Variants in EDIL3 observed in about 807,000 individuals in gnomAD.
EDIL3 encodes EGF-like repeat and discoidin I-like domain-containing protein 3.
A neutral mutation model predicts 67.4 loss-of-function variants in EDIL3; 37 were observed. The observed-to-expected ratio is 0.55, with a 90% CI of 0.42 to 0.72. EDIL3 has a LOEUF of 0.72. Ranked by LOEUF, EDIL3 falls within the 30% of genes least tolerant of loss-of-function variation. The probability of loss-of-function intolerance (pLI) is 0.00; values close to 1 mark genes in which losing one functional copy is unlikely to be tolerated. For missense variants in EDIL3, 527 were observed against 586.3 expected, an observed-to-expected ratio of 0.90 and a Z score of 1.04; for synonymous variants, 195 against 196.3, an observed-to-expected ratio of 0.99 and a Z score of 0.05.
intron 1 of EDIL3, among the ~76,000 whole-genome samples, chr5:84,292,872 G>A (rs1246048657): frequency 1.3e-5 from 2 of 152,144 alleles, no homozygotes; most frequent in Non-Finnish European, 2.9e-5. Context: ...TGGTAGGCAG[G>A]CACATCTGGG....
chr5:84,376,233 C>T (rs948778749), intron 1 of EDIL3, among the ~76,000 whole-genome samples: 3 of 152,048 alleles, frequency 2.0e-5, no homozygotes, highest in African/African-American at 4.8e-5. Flanking sequence ...AGTATGCAGT[C>T]AATACATGTT....
At chr5:84,329,299 A>C (rs1246148267) in intron 1 of EDIL3, among the ~76,000 whole-genome samples, 1 of 152,078 alleles carries the variant, frequency 6.6e-6, no homozygotes, top group African/African-American at 2.4e-5. Flanking sequence ...AGTAAAGTAA[A>C]AGTTTGACAG....
intron 9 of EDIL3, among the ~76,000 whole-genome samples, chr5:83,987,354 A>G (rs992739149): frequency 3.3e-5 from 5 of 152,184 alleles, no homozygotes; most frequent in Non-Finnish European, 7.4e-5. Context: ...ATAACTTTTT[A>G]AAAAGTGGCA....
intron 10 of EDIL3, among the ~76,000 whole-genome samples, chr5:83,952,308 T>G (rs937683332): frequency 6.6e-6 from 1 of 151,828 alleles, no homozygotes; most frequent in Admixed American, 6.6e-5. Context: ...ATTTAACTTC[T>G]TTTATGATGA....
chr5:84,293,085 C>A (rs1745961379), intron 1 of EDIL3, among the ~76,000 whole-genome samples: 1 of 152,164 alleles, frequency 6.6e-6, no homozygotes, highest in Non-Finnish European at 1.5e-5. Context: ...GGGCTGACCC[C>A]TCCGCTACAT....
chr5:84,210,908 A>T (rs1580378998), intron 3 of EDIL3, among the ~76,000 whole-genome samples: 1 of 152,244 alleles, frequency 6.6e-6, no homozygotes, highest in Middle Eastern at 3.4e-3. Flanking sequence ...TTTAGTTACA[A>T]TTTTTTTGGA....
intron 9 of EDIL3, among the ~76,000 whole-genome samples, chr5:84,030,107 A>T (rs941189512): frequency 6.6e-6 from 1 of 152,228 alleles, no homozygotes; most frequent in African/African-American, 2.4e-5. Context: ...GAATGACCTA[A>T]AAGTCCCTTT....
At chr5:84,216,587 C>T (rs374052054) in intron 3 of EDIL3, among the ~76,000 whole-genome samples, 8 of 152,150 alleles carry the variant, frequency 5.3e-5, no homozygotes, top group South Asian at 2.1e-4. Context: ...CACATTTCTT[C>T]ATATACTTTA....
At chr5:84,196,166 TA>T (rs1324512264) in intron 3 of EDIL3, among the ~76,000 whole-genome samples, 1 of 151,938 alleles carries the variant, frequency 6.6e-6, no homozygotes. Context: ...ATATACACAA[TA>T]AATGATTTAT....
chr5:84,218,182 T>C lies in EDIL3; in HGVS notation c.226+11673A>G, dbSNP rs1744270392. ...GCTTAAAAATGTGACTAAATGTGAA[T>C]GGTTATTCTCTAAAGATAAAATTTT... On this transcript the variant is annotated intron_variant, in intron 3 of 10. Transcript: ENST00000296591. Among the ~76,000 whole-genome samples the C allele has an allele frequency of 3.9e-5, 6 of 152,204 alleles. No homozygotes were observed. In the South Asian group the frequency reaches 1.2e-3, roughly 32 times the overall value.
In EDIL3 at chr5:84,180,495, T is replaced by C; in HGVS notation, c.253A>G (p.Asn85Asp). 2 of 1,605,836 alleles carry C rather than the reference T, an allele frequency of 1.2e-6. No individual in the cohort carries two copies. The highest frequency in any genetic ancestry group is 2.2e-5 in the South Asian group (2 of 89,310). Reference sequence around the variant, plus strand: ...TCACTTATTTCACAGGTTCCTCCATTATGGCATGGATTAGGAGTGCAGGGA... The same window carrying C: ...TCACTTATTTCACAGGTTCCTCCATCATGGCATGGATTAGGAGTGCAGGGA... ...AGPCTPNPCH[N>D]GGTCEISEAY... The change falls in exon 4 of 11, where the codon AAT (asparagine) becomes GAT (aspartate). Residue 85 changes from asparagine (N) to aspartate (D), a missense_variant. This residue lies in a region of EDIL3 where 494 missense variants were observed against 522.5 expected (regional missense o/e 0.95). Coordinates refer to ENST00000296591, the MANE Select transcript of EDIL3 (RefSeq NM_005711.5).
At chr5:84,103,335 A>G (rs965258382) in intron 6 of EDIL3, among the ~76,000 whole-genome samples, 6 of 152,184 alleles carry the variant, frequency 3.9e-5, no homozygotes, top group Non-Finnish European at 7.4e-5. Context: ...AAAGAGACGG[A>G]AAACAATTGC....
chr5:84,203,226 G>A (rs1309665412), intron 3 of EDIL3, among the ~76,000 whole-genome samples: 4 of 152,062 alleles, frequency 2.6e-5, no homozygotes, highest in South Asian at 4.2e-4. Flanking sequence ...AAATTACTTC[G>A]TTTTTAATAT....
intron 1 of EDIL3, among the ~76,000 whole-genome samples, chr5:84,324,731 C>A (rs1746720668): frequency 6.6e-6 from 1 of 151,662 alleles, no homozygotes; most frequent in Admixed American, 6.6e-5. Flanking sequence ...GGTGACATTA[C>A]TACAAATTCT....
intron 2 of EDIL3, among the ~76,000 whole-genome samples, chr5:84,253,124 TAA>T (rs1437241468): frequency 6.6e-6 from 1 of 152,174 alleles, no homozygotes; most frequent in African/African-American, 2.4e-5. Flanking sequence ...ATAAGGTAAT[TAA>T]GTTAGGTGCA....
At chr5:84,057,323 C>G (rs1441271179) in intron 9 of EDIL3, among the ~76,000 whole-genome samples, 4 of 152,066 alleles carry the variant, frequency 2.6e-5, no homozygotes, top group African/African-American at 7.2e-5. Context: ...TTTTATCTTT[C>G]CAAAGAAATA....
chr5:84,107,077 T>G (rs2112283959), intron 5 of EDIL3, among the ~76,000 whole-genome samples: 1 of 152,256 alleles, frequency 6.6e-6, no homozygotes, highest in Admixed American at 6.6e-5. Flanking sequence ...TTCTGCATTA[T>G]GATTCTGGTT....
chr5:84,033,458 C>T (rs1261596943), intron 9 of EDIL3, among the ~76,000 whole-genome samples: 1 of 151,820 alleles, frequency 6.6e-6, no homozygotes, highest in African/African-American at 2.4e-5. Flanking sequence ...GCCTGTAATC[C>T]CAGCATTTTG....
chr5:84,094,975 T>C (rs1205268221), intron 6 of EDIL3, among the ~76,000 whole-genome samples: 1 of 152,210 alleles, frequency 6.6e-6, no homozygotes, highest in Non-Finnish European at 1.5e-5. Context: ...GGGTTACTTA[T>C]TTCCCATTAT....
Sources: allele counts gnomAD v4.1 joint callset (sites outside exome capture counted in the v4.1 genomes callset), GRCh38; gene constraint gnomAD v4.1.1; regional missense constraint gnomAD v4.1.1; transcripts MANE v1.5; gene names NCBI Gene and HGNC (gene_info 2026-07-23, HGNC 2026-07-21).